ZC3H14: variants seen among roughly 807,000 people sequenced by gnomAD.
The protein encoded by ZC3H14 is zinc finger CCCH-type containing 14.
ZC3H14 carries 31 observed loss-of-function variants against 92.4 expected under a neutral mutation model. The observed-to-expected ratio is 0.34, with a 90% confidence interval of 0.25 to 0.45. The LOEUF (loss-of-function observed/expected upper bound fraction) is 0.45, where lower values mean the gene tolerates loss of function less well. ZC3H14 is among the 20% of genes least tolerant of loss of function. ZC3H14 has a pLI of 1.00. For missense variants in ZC3H14, 781 were observed against 897.3 expected, an observed-to-expected ratio of 0.87 and a Z score of 1.66; for synonymous variants, 321 against 300.9, an observed-to-expected ratio of 1.07 and a Z score of -0.69.
At chr14:88,597,478 G>A (rs1209630701) in intron 10 of ZC3H14, among the ~76,000 whole-genome samples, 1 of 152,158 alleles carries the variant, frequency 6.6e-6, no homozygotes, top group African/African-American at 2.4e-5. Flanking sequence ...TCTTTTGTGG[G>A]AAGCTCTGGT....
chr14:88,574,613 T>C (rs1431693753), intron 6 of ZC3H14, 80 bp from the exon 7 acceptor site: 4 of 1,555,726 alleles, frequency 2.6e-6, no homozygotes, highest in Non-Finnish European at 3.5e-6. Context: ...TACTGTTTTT[T>C]TCTTAAAATG....
intron 8 of ZC3H14, among the ~76,000 whole-genome samples, chr14:88,577,531 A>G (rs1007320105): frequency 6.6e-6 from 1 of 151,992 alleles, no homozygotes; most frequent in East Asian, 1.9e-4. Context: ...AATGGTATCT[A>G]TGGATTGAAC....
Position 88,626,578 on chromosome 14 carries a change from T to C in ZC3H14, c.*14827T>C, listed in dbSNP as rs905813812. ...GCTACAGTGAGCTATAATCGCACCA[T>C]TGCACCCCAGCCCAGGCGACAGAGT... On this transcript the variant is annotated 3_prime_UTR_variant, in exon 17 of 17. Coordinates refer to ENST00000251038, the MANE Select transcript of ZC3H14 (RefSeq NM_024824.5). 58 of 438,618 alleles carry C rather than the reference T, an allele frequency of 1.3e-4. No homozygotes were observed. The Admixed American group carries it at 1.4e-3, about 10-fold the overall frequency. The allele number at this position is 438,618 out of a possible 1,614,324, so 27.2% of individuals were successfully genotyped here.
In ZC3H14 at chr14:88,578,121, T is replaced by A. The variant is rs201108116; in HGVS notation, c.1260T>A (p.Asp420Glu). 1 of 1,613,994 alleles carries A rather than the reference T, an allele frequency of 6.2e-7. No homozygotes were observed. The highest frequency in any genetic ancestry group is 2.2e-5 in the East Asian group (1 of 44,880). ...TTAAAGAAGAGGAAACAAAAGGAGATTCTGTAGAAAAAAATCAAGGTAATA... is the reference window on the plus strand; with the variant it reads ...TTAAAGAAGAGGAAACAAAAGGAGAATCTGTAGAAAAAAATCAAGGTAATA... Reference protein sequence around the residue: ...PPIKEEETKGDSVEKNQGTQQ... With the variant: ...PPIKEEETKGESVEKNQGTQQ... Residue 420 changes from aspartate to glutamate, a missense_variant, in exon 9 of 17, where the codon GAT (aspartate) becomes GAA (glutamate). Physicochemically the swap from Asp to Glu is conservative, Grantham distance 45. Around this residue, in one of 3 missense-constraint regions of ZC3H14, gnomAD observed 454 missense variants for 438.5 expected, o/e 1.04. Transcript: ENST00000251038.
At position 88,596,948 on chromosome 14, in the gene ZC3H14, C is replaced by A. The variant is rs898918579; in HGVS notation, c.1354+140C>A. ...TTAGATCTGTGAAAATATTTTAGGGCCAGGAGATAAGATCTGCATTTCTTT... is the reference window on the plus strand; with the variant it reads ...TTAGATCTGTGAAAATATTTTAGGGACAGGAGATAAGATCTGCATTTCTTT... On this transcript the variant is annotated intron_variant, in intron 10 of 16. Transcript: ENST00000251038. 9.1e-6 allele frequency: 7 copies of A among 770,726 alleles called. No individual in the cohort carries two copies. The African/African-American group carries it at 1.0e-4, about 11-fold the overall frequency. 47.7% of individuals were successfully genotyped at this position (770,726 alleles called of 1,614,324 possible).
In ZC3H14 at chr14:88,613,913, G is replaced by C. The variant is rs1272812589; in HGVS notation, c.*2162G>C. On this transcript the variant is annotated 3_prime_UTR_variant, in exon 17 of 17. Coordinates refer to ENST00000251038, the MANE Select transcript of ZC3H14 (RefSeq NM_024824.5). ...CGTTGCTGGCTGATACAGCGAGGTG[G>C]TCAGCTGATGACTACTTAGTCAATA... is the stretch of plus-strand genomic sequence containing the variant. 6.6e-6 allele frequency: 1 copy of C among 152,200 alleles called. No individual in the cohort carries two copies. Among genetic ancestry groups the C allele is most frequent in the Non-Finnish European group, 1.5e-5 (1 of 68,038 alleles). 9.4% of individuals were successfully genotyped at this position (152,200 alleles called of 1,614,324 possible).
Position 88,618,441 on chromosome 14 carries a change from T to C in ZC3H14, c.*6690T>C. 2 of 1,133,788 alleles carry C rather than the reference T, an allele frequency of 1.8e-6. No individual in the cohort carries two copies. The highest frequency in any genetic ancestry group is 1.4e-5 in the South Asian group (1 of 70,464). 70.2% of individuals were successfully genotyped at this position (1,133,788 alleles called of 1,614,324 possible). A position where few individuals can be genotyped will look rare whatever the true frequency, so the allele number is the denominator to read the frequency against. Reference sequence around the variant, plus strand: ...GCTACTTGATTTACATGTCTAACATTATTAAGTATGCAAAAGATCACTACA... The same window carrying C: ...GCTACTTGATTTACATGTCTAACATCATTAAGTATGCAAAAGATCACTACA... On this transcript the variant is annotated 3_prime_UTR_variant, in exon 17 of 17. Transcript: ENST00000251038.
At chr14:88,586,843 C>T (rs753345281) in intron 9 of ZC3H14, 3 of 152,016 alleles carry the variant, frequency 2.0e-5, no homozygotes, top group Non-Finnish European at 2.9e-5. Flanking sequence ...TAAAAAGCAA[C>T]ATTCCTTACT....
chr14:88,571,008 ATAAATT>A, intron 3 of ZC3H14, 70 bp from the exon 4 acceptor site: 1 of 1,198,680 alleles, frequency 8.3e-7, no homozygotes, highest in Non-Finnish European at 1.1e-6. Flanking sequence ...ATATAATGTC[ATAAATT>A]TAGAGTGACA....
rs201155621 is a variant in ZC3H14 at position 88,578,094 on chromosome 14, C to A, written c.1233C>A (p.Pro411=). The A allele has an allele frequency of 9.3e-6, 15 of 1,613,880 alleles. No individual in the cohort carries two copies. The East Asian group carries it at 2.9e-4, about 31-fold the overall frequency. ...GTAGGACCCCCAGAATAAGTCCCCC[C>A]ATTAAAGAAGAGGAAACAAAAGGAG... ...GQSRTPRISP[P]IKEEETKGDS... The change falls in exon 9 of 17, where the codon CCC becomes CCA. Residue 411 remains proline, a synonymous_variant. Coordinates refer to ENST00000251038, the MANE Select transcript of ZC3H14 (RefSeq NM_024824.5).
Position 88,618,799 on chromosome 14 carries a change from A to T in ZC3H14, c.*7048A>T. The stretch of plus-strand genomic sequence containing the variant: ...CTAGAACCTACTGCCAGATACCGGG[A>T]ATCCGGACTAAATCTGAATCAAAAC... On this transcript the variant is annotated 3_prime_UTR_variant, in exon 17 of 17. Coordinates refer to ENST00000251038, the MANE Select transcript of ZC3H14 (RefSeq NM_024824.5). The T allele has an allele frequency of 6.3e-7, 1 of 1,587,024 alleles. No individual in the cohort carries two copies. Among genetic ancestry groups the T allele is most frequent in the Non-Finnish European group, 8.6e-7 (1 of 1,165,058 alleles).
At chr14:88,583,682 G>A (rs1179632630) in intron 9 of ZC3H14, among the ~76,000 whole-genome samples, 1 of 152,142 alleles carries the variant, frequency 6.6e-6, no homozygotes, top group Non-Finnish European at 1.5e-5. Context: ...GTTAGATAAT[G>A]TAATTTTTAC....
intron 7 of ZC3H14, among the ~76,000 whole-genome samples, 194 bp from the exon 8 acceptor site, chr14:88,575,646 A>G (rs1296946289): frequency 6.6e-6 from 1 of 151,838 alleles, no homozygotes; most frequent in African/African-American, 2.4e-5. Flanking sequence ...GTGACATCAC[A>G]CTCCATCCTG....
chr14:88,563,568 A>G (rs745674206), intron 1 of ZC3H14, 83 bp from the exon 2 acceptor site: 1 of 1,589,194 alleles, frequency 6.3e-7, no homozygotes, highest in Non-Finnish European at 8.6e-7. Context: ...CGCACCAGCA[A>G]AGTGGCCTCA....
chr14:88,574,444 C>G, intron 6 of ZC3H14: 1 of 419,700 alleles, frequency 2.4e-6, no homozygotes, highest in South Asian at 2.1e-5. Context: ...AGGGTTTCAC[C>G]ATATTGGCCA....
chr14:88,571,584 G>A (rs577395907), intron 4 of ZC3H14, among the ~76,000 whole-genome samples: 1 of 152,110 alleles, frequency 6.6e-6, no homozygotes, highest in Non-Finnish European at 1.5e-5. Context: ...GAGATAATTG[G>A]TGATTTTTAT....
intron 6 of ZC3H14, 153 bp from the exon 7 acceptor site, chr14:88,574,540 G>T: frequency 1.1e-6 from 1 of 943,664 alleles, no homozygotes. Context: ...ACCACACCCA[G>T]CCTCATATTT....
chr14:88,602,778 G>C (rs772427306), intron 11 of ZC3H14, 50 bp from the exon 12 acceptor site: 1 of 1,589,758 alleles, frequency 6.3e-7, no homozygotes, highest in Middle Eastern at 1.7e-4. Flanking sequence ...GGGGCTCAGC[G>C]TTTTGTGTTT....
chr14:88,617,085 G>C lies in ZC3H14; in HGVS notation c.*5334G>C, dbSNP rs1017563846. 1 of 443,722 alleles carries C rather than the reference G, an allele frequency of 2.3e-6. No homozygotes were observed. The highest frequency in any genetic ancestry group is 4.0e-6 in the Non-Finnish European group (1 of 249,640). The allele number at this position is 443,722 out of a possible 1,614,324, so 27.5% of individuals were successfully genotyped here. A position where few individuals can be genotyped will look rare whatever the true frequency, so the allele number is the denominator to read the frequency against. On this transcript the variant is annotated 3_prime_UTR_variant, in exon 17 of 17. Transcript: ENST00000251038. ...AAAAATGACATTTTATAATTTGAAG[G>C]GTTTCTAGATTAATCTTTTTAAGAT...
Sources: allele counts gnomAD v4.1 joint callset (sites outside exome capture counted in the v4.1 genomes callset), GRCh38; gene constraint gnomAD v4.1.1; regional missense constraint gnomAD v4.1.1; transcripts MANE v1.5; gene names NCBI Gene and HGNC (gene_info 2026-07-23, HGNC 2026-07-21).